The following PRKN variants were observed in gnomAD, a reference collection of about 807,000 sequenced individuals.
The protein encoded by PRKN is E3 ubiquitin-protein ligase parkin.
In PRKN, 56 loss-of-function variants were observed where a neutral mutation model predicts 59.5. That is an observed-to-expected ratio of 0.94 (90% confidence interval 0.76 to 1.18). The LOEUF (loss-of-function observed/expected upper bound fraction) is 1.18. Among genes scored for constraint, PRKN ranks in the 50% most tolerant of loss-of-function variants. The pLI is 0.00. For missense variants in PRKN, 657 were observed against 596.4 expected (o/e 1.10, Z -1.06); for synonymous variants, 250 against 222.1 (o/e 1.13, Z -1.12).
At chr6:161,500,412 T>C (rs1257405163) in intron 9 of PRKN, among the ~76,000 whole-genome samples, 1 of 152,240 alleles carries the variant, frequency 6.6e-6, no homozygotes, top group Non-Finnish European at 1.5e-5. Flanking sequence ...TGCAGTATTA[T>C]ACAAAAGAGT....
At position 161,353,160 on chromosome 6, in the gene PRKN, A is replaced by T. The variant is rs1784627344; in HGVS notation, c.1286-2949T>A. Among the ~76,000 whole-genome samples the T allele has an allele frequency of 6.6e-6, 1 of 152,062 alleles. No homozygotes were observed. The highest frequency in any genetic ancestry group is 2.4e-5 in the African/African-American group (1 of 41,392). ...AGTCTTTTGTCATAATGTTGGGGCA[A>T]TTCAGGCCTCAGAAACAGGCGCCAG... On this transcript the variant is annotated intron_variant, in intron 11 of 11. Coordinates refer to ENST00000366898, the MANE Select transcript of PRKN (RefSeq NM_004562.3). This position sits in a 1 kb window ranked among gnomAD's most constrained non-coding sequence, Gnocchi z 4.8.
chr6:162,235,958 GAAGAAAGAAAGA>G (rs58769358), intron 3 of PRKN, among the ~76,000 whole-genome samples: 1,123 of 92,560 alleles, frequency 0.012, 22 homozygotes, highest in East Asian at 0.018. Context: ...AGGAAGAAAG[GAAGAAAGAAAGA>G]AAGAAAGAAA....
rs1562602059 is a variant in PRKN, at chr6:162,235,930, GAAGGAAGGAAGGAAGGAAGGAAGA to G, written c.412+26571_412+26594del. 2.3e-3 allele frequency among the ~76,000 whole-genome samples: 175 copies of G among 76,964 alleles called. 7 individuals are homozygous for G. Among genetic ancestry groups the G allele is most frequent in the African/African-American group, 0.011 (164 of 14,928 alleles). 50.5% of individuals were successfully genotyped at this position (76,964 alleles called of 152,430 possible). A position where few individuals can be genotyped will look rare whatever the true frequency, so the allele number is the denominator to read the frequency against. On this transcript the variant is annotated intron_variant, in intron 3 of 11. Coordinates refer to ENST00000366898, the MANE Select transcript of PRKN (RefSeq NM_004562.3). ...GGAAGGAAGGAAGGAAGGAAGGAAG[GAAGGAAGGAAGGAAGGAAGGAAGA>G]AAGGAAGAAAGAAAGAAAGAAAGAA...
At chr6:162,698,786 T>C (rs1408005762) in intron 1 of PRKN, among the ~76,000 whole-genome samples, 1 of 152,206 alleles carries the variant, frequency 6.6e-6, no homozygotes, top group Non-Finnish European at 1.5e-5. Context: ...TGGAGGGACA[T>C]GCATTCCAGT....
intron 7 of PRKN, among the ~76,000 whole-genome samples, chr6:161,608,418 T>A (rs1377676164): frequency 2.6e-5 from 4 of 152,202 alleles, no homozygotes; most frequent in Non-Finnish European, 5.9e-5. Flanking sequence ...TGTGTGTGTG[T>A]TTGCAGGCAC....
chr6:161,876,420 C>A (rs996466845), intron 6 of PRKN, among the ~76,000 whole-genome samples: 1 of 152,100 alleles, frequency 6.6e-6, no homozygotes, highest in African/African-American at 2.4e-5. Context: ...TAAGCAATCC[C>A]TTCACCCCAG....
intron 6 of PRKN, among the ~76,000 whole-genome samples, chr6:161,848,300 A>G (rs577151918): frequency 6.6e-6 from 1 of 152,284 alleles, no homozygotes; most frequent in South Asian, 2.1e-4. Flanking sequence ...CCACATTTTC[A>G]ATAATTTATA....
rs559757621 is a variant in PRKN at position 161,356,596 on chromosome 6, C to T, written c.1285+3492G>A. ...GGACGTGGAGTCAGAGGTGGGCAGA[C>T]GCTGGATCAGAGCACGGGGAAGGCC... On this transcript the variant is annotated intron_variant, in intron 11 of 11. Transcript: ENST00000366898. The surrounding 1 kb of genome is among the most constrained non-coding windows in gnomAD (Gnocchi z 7.8). 3.3e-5 allele frequency among the ~76,000 whole-genome samples: 5 copies of T among 152,108 alleles called. No individual in the cohort carries two copies. Among genetic ancestry groups the T allele is most frequent in the South Asian group, 2.1e-4 (1 of 4,818 alleles).
intron 3 of PRKN, among the ~76,000 whole-genome samples, chr6:162,225,121 C>A (rs1454592470): frequency 6.6e-6 from 1 of 152,150 alleles, no homozygotes; most frequent in Non-Finnish European, 1.5e-5. Flanking sequence ...GACAGCAACA[C>A]GTGGTGAGAG....
intron 9 of PRKN, among the ~76,000 whole-genome samples, chr6:161,491,565 A>G (rs1298355612): frequency 6.6e-6 from 1 of 152,122 alleles, no homozygotes; most frequent in Non-Finnish European, 1.5e-5. Flanking sequence ...TCAGAGTGGC[A>G]TGTAGAGAAG....
chr6:161,601,641 G>A (rs1336052427), intron 7 of PRKN, among the ~76,000 whole-genome samples: 2 of 149,646 alleles, frequency 1.3e-5, no homozygotes, highest in Non-Finnish European at 3.0e-5. Flanking sequence ...GGAGTGCAGT[G>A]GCGCGATCTC....
At chr6:161,880,383 AC>A (rs1444727592) in intron 6 of PRKN, among the ~76,000 whole-genome samples, 1 of 152,196 alleles carries the variant, frequency 6.6e-6, no homozygotes. Flanking sequence ...GCTCTATGGC[AC>A]TGAGAGATAT....
chr6:162,220,630 A>G (rs1777883325), intron 3 of PRKN, among the ~76,000 whole-genome samples: 3 of 152,230 alleles, frequency 2.0e-5, no homozygotes, highest in South Asian at 2.1e-4. Flanking sequence ...TAACCAAGGT[A>G]AAAGAGGGAC....
At chr6:162,181,047 T>C (rs986819884) in intron 4 of PRKN, among the ~76,000 whole-genome samples, 1 of 152,186 alleles carries the variant, frequency 6.6e-6, no homozygotes, top group Non-Finnish European at 1.5e-5. Context: ...TATTTGTTCC[T>C]TTACACCACG....
At position 162,212,691 on chromosome 6, in the gene PRKN, C is replaced by T. The variant is rs555815907; in HGVS notation, c.413-11439G>A. ...ATATTCTGAGAAATGTGTCCTTAGA[C>T]GATTGTGGAATTGTGCAAACATCAG... On this transcript the variant is annotated intron_variant, in intron 3 of 11. Coordinates refer to ENST00000366898, the MANE Select transcript of PRKN (RefSeq NM_004562.3). Among the ~76,000 whole-genome samples, 53 of 152,218 alleles carry T rather than the reference C, an allele frequency of 3.5e-4. 2 individuals are homozygous for T. In the South Asian group the frequency reaches 9.7e-3, roughly 28 times the overall value.
intron 5 of PRKN, among the ~76,000 whole-genome samples, chr6:162,013,221 TA>T (rs1243373290): frequency 6.6e-6 from 1 of 152,172 alleles, no homozygotes; most frequent in Non-Finnish European, 1.5e-5. Flanking sequence ...TCCTATTTTT[TA>T]CTGGGTTAAC....
intron 3 of PRKN, among the ~76,000 whole-genome samples, chr6:162,256,940 A>G (rs1179701479): frequency 5.9e-5 from 9 of 152,328 alleles, no homozygotes; most frequent in Non-Finnish European, 1.3e-4. Context: ...TCTCCCCCAC[A>G]GTTACTTTTT....
rs1790734239 is a variant in PRKN at position 161,470,475 on chromosome 6, C to T, written c.1083+78379G>A. On this transcript the variant is annotated intron_variant, in intron 9 of 11. Coordinates refer to ENST00000366898, the MANE Select transcript of PRKN (RefSeq NM_004562.3). The surrounding 1 kb of genome is among the most constrained non-coding windows in gnomAD (Gnocchi z 5.1). ...ATCAGAACTTCCTGAGAGCAGGACA[C>T]TCTGGATTACCTGAGAAGCACTCCC... Among the ~76,000 whole-genome samples the T allele has an allele frequency of 6.6e-6, 1 of 152,202 alleles. No individual in the cohort carries two copies. The highest frequency in any genetic ancestry group is 2.4e-5 in the African/African-American group (1 of 41,434).
chr6:162,270,009 C>T (rs1780304944), intron 2 of PRKN: 2 of 152,168 alleles, frequency 1.3e-5, no homozygotes, highest in Non-Finnish European at 1.5e-5. Context: ...ATCCAGAAAT[C>T]CCACTACTGG....
Sources: allele counts gnomAD v4.1 joint callset (sites outside exome capture counted in the v4.1 genomes callset), GRCh38; gene constraint gnomAD v4.1.1; non-coding constraint Gnocchi (gnomAD v3.1); transcripts MANE v1.5; gene names NCBI Gene and HGNC (gene_info 2026-07-23, HGNC 2026-07-21).